RGR: variants seen among roughly 807,000 people sequenced by gnomAD.
The protein encoded by RGR is retinal G protein coupled receptor, also known as RPE-retinal G protein-coupled receptor.
RGR carries 30 observed loss-of-function variants against 28.6 expected under a neutral mutation model. That is an observed-to-expected ratio of 1.05 (90% CI 0.78 to 1.42). The LOEUF (loss-of-function observed/expected upper bound fraction) is 1.42. Among genes scored for constraint, RGR ranks in the 40% most tolerant of loss-of-function variants. RGR has a pLI of 0.00. For synonymous variants in RGR, 180 were observed against 156.4 expected (o/e 1.15, Z -1.13); for missense variants, 404 against 375.6 (o/e 1.08, Z -0.62).
intron 2 of RGR, chr10:84,248,299 A>G: frequency 1.5e-6 from 1 of 649,594 alleles, no homozygotes; most frequent in Non-Finnish European, 2.1e-6. Flanking sequence ...CTAGTGTCTA[A>G]TACCTCCTTA....
intron 2 of RGR, chr10:84,248,564 C>T (rs1038399301): frequency 2.7e-6 from 1 of 375,034 alleles, no homozygotes; most frequent in Non-Finnish European, 5.0e-6. Context: ...TCTGACTTTG[C>T]CTTCATCTTC....
intron 5 of RGR, among the ~76,000 whole-genome samples, chr10:84,257,332 G>T (rs1842900918): frequency 6.6e-6 from 1 of 152,158 alleles, no homozygotes; most frequent in Admixed American, 6.5e-5. Flanking sequence ...GGTCTCGCCG[G>T]GTGGCTGTAG....
chr10:84,248,348 GT>G, intron 2 of RGR: 1 of 340,668 alleles, frequency 2.9e-6, no homozygotes, highest in Non-Finnish European at 4.8e-6. Context: ...TTCAGAAGGT[GT>G]TTATAAAATT....
Position 84,249,044 on chromosome 10 carries a change from G to T in RGR, c.358+1G>T, listed in dbSNP as rs548051515. On this transcript the variant is annotated splice_donor_variant, in intron 3 of 6. Coordinates refer to ENST00000652092, the MANE Select transcript of RGR (RefSeq NM_001012720.2). LOFTEE classifies it high-confidence loss of function. ...GGGCGTTATCACCACTACTGCACCCGTATGTATCTGGGCTCCTGGAGTGGA... is the reference window on the plus strand; with the variant it reads ...GGGCGTTATCACCACTACTGCACCCTTATGTATCTGGGCTCCTGGAGTGGA... The T allele has an allele frequency of 1.2e-6, 2 of 1,613,860 alleles. No individual in the cohort carries two copies. Among genetic ancestry groups the T allele is most frequent in the Non-Finnish European group, 1.7e-6 (2 of 1,179,816 alleles).
chr10:84,245,954 C>T (rs1420175973), intron 1 of RGR, among the ~76,000 whole-genome samples: 2 of 152,172 alleles, frequency 1.3e-5, no homozygotes, highest in African/African-American at 4.8e-5. Flanking sequence ...AAATCATCAG[C>T]ACGTTTTCTC....
intron 5 of RGR, among the ~76,000 whole-genome samples, chr10:84,256,117 C>A (rs1333647189): frequency 9.2e-6 from 1 of 108,370 alleles, no homozygotes; most frequent in Non-Finnish European, 1.7e-5. Context: ...GTTGCCCAGG[C>A]TGGAGTGCAG....
intron 1 of RGR, among the ~76,000 whole-genome samples, chr10:84,246,654 A>C (rs546565185): frequency 6.6e-6 from 1 of 152,146 alleles, no homozygotes; most frequent in Non-Finnish European, 1.5e-5. Context: ...TTGATTTCGT[A>C]TCTTTGCAAT....
At chr10:84,248,787 A>G (rs1252667411) in intron 2 of RGR, 135 bp from the exon 3 acceptor site, 4 of 1,533,722 alleles carry the variant, frequency 2.6e-6, no homozygotes, top group Non-Finnish European at 3.6e-6. Context: ...GCCTCATAGG[A>G]AAGACACCAA....
intron 5 of RGR, chr10:84,255,340 G>GCTC (rs1488056110): frequency 6.6e-6 from 1 of 152,340 alleles, no homozygotes; most frequent in African/African-American, 2.4e-5. Context: ...GGGGACCAGG[G>GCTC]CTCCCTACTG....
At chr10:84,254,541 A>G in intron 5 of RGR, 98 bp downstream of exon 5, 1 of 1,009,174 alleles carries the variant, frequency 9.9e-7, no homozygotes, top group South Asian at 1.3e-5. Flanking sequence ...CACAAACAGC[A>G]AAACAAATAT....
rs750959450 is a variant in RGR at position 84,245,111 on chromosome 10, G to A, written c.21G>A (p.Leu7=). ...TGAGGATGGCAGAGACCAGTGCCCT[G>A]CCCACTGGCTTCGGGGAGCTCGAGG... MAETSA[L]PTGFGELEVL... Residue 7 remains leucine (L), a synonymous_variant, in exon 1 of 7, where the codon CTG becomes CTA. Coordinates refer to ENST00000652092, the MANE Select transcript of RGR (RefSeq NM_001012720.2). 30 of 1,613,506 alleles carry A rather than the reference G, an allele frequency of 1.9e-5. No homozygotes were observed. In the Middle Eastern group the frequency reaches 5.1e-4, roughly 27 times the overall value.
intron 3 of RGR, chr10:84,250,885 G>GTGACA (rs1403523173): frequency 2.7e-5 from 4 of 146,812 alleles, no homozygotes; most frequent in East Asian, 2.0e-4. Context: ...TCCAGCCTGG[G>GTGACA]CAACAGAATG....
At chr10:84,245,540 C>T (rs1049028071) in intron 1 of RGR, among the ~76,000 whole-genome samples, 2 of 152,158 alleles carry the variant, frequency 1.3e-5, no homozygotes, top group Non-Finnish European at 2.9e-5. Context: ...TAAGATCAGT[C>T]CCCCAAAAGG....
Position 84,247,653 on chromosome 10 carries a change from C to A in RGR, c.142C>A (p.Arg48=), listed in dbSNP as rs139595177. ...CTCTTTCTGCAAGACCCCGGAGCTG[C>A]GGACTCCCTGCCACCTACTGGTGCT... ...IFSFCKTPEL[R]TPCHLLVLSL... Residue 48 remains arginine, a synonymous_variant, in exon 2 of 7, where the codon CGG becomes AGG. Transcript: ENST00000652092. 1 of 1,614,202 alleles carries A rather than the reference C, an allele frequency of 6.2e-7. No homozygotes were observed. The highest frequency in any genetic ancestry group is 8.5e-7 in the Non-Finnish European group (1 of 1,180,042).
At chr10:84,245,555 G>A (rs938201644) in intron 1 of RGR, among the ~76,000 whole-genome samples, 1 of 152,180 alleles carries the variant, frequency 6.6e-6, no homozygotes, top group Admixed American at 6.5e-5. Flanking sequence ...AAAAGGCTCT[G>A]GGGACAGACA....
intron 3 of RGR, among the ~76,000 whole-genome samples, chr10:84,251,435 T>A (rs1414092480): frequency 1.3e-5 from 2 of 152,212 alleles, no homozygotes; most frequent in Non-Finnish European, 2.9e-5. Flanking sequence ...GAAGTCCAAA[T>A]GCGAGGTGTC....
At chr10:84,245,624 T>A (rs1036969120) in intron 1 of RGR, among the ~76,000 whole-genome samples, 1 of 152,228 alleles carries the variant, frequency 6.6e-6, no homozygotes, top group African/African-American at 2.4e-5. Flanking sequence ...CTGCCCTCAA[T>A]GCCTTGACAT....
chr10:84,248,989 A>C lies in RGR; in HGVS notation c.304A>C (p.Ser102Arg), dbSNP rs1337763724. 1 of 1,614,026 alleles carries C rather than the reference A, an allele frequency of 6.2e-7. No homozygotes were observed. Among genetic ancestry groups the C allele is most frequent in the Non-Finnish European group, 8.5e-7 (1 of 1,180,000 alleles). The change falls in exon 3 of 7, where the codon AGC becomes CGC. Residue 102 changes from serine to arginine, a missense_variant. Ser to Arg is a moderately radical substitution (Grantham distance 110, BLOSUM62 -1). Coordinates refer to ENST00000652092, the MANE Select transcript of RGR (RefSeq NM_001012720.2). ...GFQGFVTALA[S>R]ICSSAAIAWG... ...CCAGGGCTTTGTGACAGCGTTGGCC[A>C]GCATCTGCAGCAGTGCAGCCATCGC...
In RGR at chr10:84,250,943, G is replaced by T. The variant is rs1034803629; in HGVS notation, c.358+1900G>T. 4.1e-5 allele frequency: 6 copies of T among 144,992 alleles called. No individual in the cohort carries two copies. In the Admixed American group the frequency reaches 4.2e-4, roughly 10 times the overall value. The allele number at this position is 144,992 out of a possible 1,614,324, so 9.0% of individuals were successfully genotyped here. On this transcript the variant is annotated intron_variant, in intron 3 of 6. Coordinates refer to ENST00000652092, the MANE Select transcript of RGR (RefSeq NM_001012720.2). ...AAAAAAAAAAGAAGAAGAAGAAGAA[G>T]AAAAGAAAAGGCCAGGCATGGTGGC...
Sources: gnomAD v4.1 joint callset for allele counts (sites outside exome capture counted in the v4.1 genomes callset) on GRCh38, gnomAD v4.1.1 for gene constraint, MANE v1.5 for transcripts, NCBI Gene and HGNC (gene_info 2026-07-23, HGNC 2026-07-21) for gene names.